Variants in FCHSD2 observed in about 807,000 individuals in gnomAD.
FCHSD2 encodes the protein FCH and double SH3 domains 2, also known as F-BAR and double SH3 domains protein 2.
A neutral mutation model predicts 108.1 loss-of-function variants in FCHSD2; 38 were observed. The observed-to-expected ratio is 0.35, with a 90% CI of 0.27 to 0.46. The LOEUF (loss-of-function observed/expected upper bound fraction) is 0.46, where lower values mean the gene tolerates loss of function less well. Ranked by LOEUF, FCHSD2 falls within the 20% of genes least tolerant of loss-of-function variation. The pLI is 1.00. For missense variants in FCHSD2, 751 were observed against 897.8 expected (o/e 0.84, Z 2.09); for synonymous variants, 279 against 314.7 (o/e 0.89, Z 1.20).
intron 11 of FCHSD2, among the ~76,000 whole-genome samples, chr11:72,889,016 G>A (rs1256944934): frequency 3.3e-5 from 5 of 151,920 alleles, no homozygotes; most frequent in Admixed American, 6.6e-5. Context: ...GTGCAGTGGC[G>A]TGATCTCAGC....
intron 13 of FCHSD2, among the ~76,000 whole-genome samples, chr11:72,862,601 T>C (rs1299887953): frequency 6.6e-6 from 1 of 152,214 alleles, no homozygotes; most frequent in African/African-American, 2.4e-5. Context: ...AATGGAGAAG[T>C]ATATTATGTT....
chr11:73,085,237 T>C (rs182661874), intron 2 of FCHSD2, among the ~76,000 whole-genome samples: 3 of 152,290 alleles, frequency 2.0e-5, no homozygotes, highest in Admixed American at 2.0e-4. Flanking sequence ...TTTTAAATGT[T>C]TATTCAAAAA....
At chr11:72,842,457 T>C (rs1030492440) in intron 17 of FCHSD2, among the ~76,000 whole-genome samples, 164 bp downstream of exon 17, 1 of 152,270 alleles carries the variant, frequency 6.6e-6, no homozygotes, top group African/African-American at 2.4e-5. Flanking sequence ...AGGGACTGAC[T>C]GACAAGTCTC....
chr11:72,989,236 G>T, intron 5 of FCHSD2, 139 bp from the exon 6 acceptor site: 1 of 570,108 alleles, frequency 1.8e-6, no homozygotes, highest in Admixed American at 3.4e-5. Flanking sequence ...CCTTCAAATT[G>T]CAGATTAAAA....
At chr11:73,107,051 A>ATT (rs952506104) in intron 2 of FCHSD2, among the ~76,000 whole-genome samples, 1 of 151,786 alleles carries the variant, frequency 6.6e-6, no homozygotes, top group African/African-American at 2.4e-5. Context: ...ATATATATAT[A>ATT]TTTTTAAATG....
chr11:72,962,223 C>T (rs1264324749), intron 8 of FCHSD2, among the ~76,000 whole-genome samples: 1 of 152,154 alleles, frequency 6.6e-6, no homozygotes, highest in Non-Finnish European at 1.5e-5. Context: ...CATTGTCTGC[C>T]CTTTTAACTC....
intron 3 of FCHSD2, chr11:73,077,494 T>C: frequency 3.1e-6 from 1 of 326,268 alleles, no homozygotes; most frequent in Non-Finnish European, 5.9e-6. Context: ...TGGCAGTTAT[T>C]TAAAAAGTTA....
intron 8 of FCHSD2, among the ~76,000 whole-genome samples, chr11:72,938,181 T>A (rs1285863468): frequency 1.4e-5 from 2 of 141,046 alleles, no homozygotes; most frequent in Non-Finnish European, 3.2e-5. Context: ...AAGGAGTTTT[T>A]TTTTTTTTTT....
chr11:73,087,019 A>G (rs1465347418), intron 2 of FCHSD2, among the ~76,000 whole-genome samples: 1 of 152,222 alleles, frequency 6.6e-6, no homozygotes, highest in Non-Finnish European at 1.5e-5. Flanking sequence ...AAACAGCCTC[A>G]GGCAGTTCCT....
At chr11:72,941,231 T>C (rs1370344886) in intron 8 of FCHSD2, 7 of 247,750 alleles carry the variant, frequency 2.8e-5, no homozygotes, top group East Asian at 2.7e-4. Flanking sequence ...ATGAGTCTTG[T>C]TCACTATGTG....
chr11:73,043,086 A>G (rs1858679418), intron 3 of FCHSD2, among the ~76,000 whole-genome samples: 4 of 152,180 alleles, frequency 2.6e-5, no homozygotes, highest in Non-Finnish European at 5.9e-5. Flanking sequence ...CTTCTGCCAC[A>G]ACGCTGAATA....
At chr11:72,895,512 G>C (rs1855399823) in intron 10 of FCHSD2, among the ~76,000 whole-genome samples, 1 of 152,120 alleles carries the variant, frequency 6.6e-6, no homozygotes, top group Admixed American at 6.6e-5. Flanking sequence ...CTTGCTTTAA[G>C]AGCTATAATC....
intron 3 of FCHSD2, among the ~76,000 whole-genome samples, chr11:73,050,085 A>G (rs1304345564): frequency 6.6e-6 from 1 of 152,190 alleles, no homozygotes; most frequent in Non-Finnish European, 1.5e-5. Context: ...CAGAGAGTAA[A>G]TATTTTTGGC....
At chr11:72,876,406 A>G (rs1299804431) in intron 12 of FCHSD2, among the ~76,000 whole-genome samples, 1 of 152,214 alleles carries the variant, frequency 6.6e-6, no homozygotes, top group African/African-American at 2.4e-5. Context: ...TTTTGCCATA[A>G]AGTTTGGGAT....
At chr11:73,003,517 T>C (rs1344254186) in intron 4 of FCHSD2, among the ~76,000 whole-genome samples, 5 of 148,982 alleles carry the variant, frequency 3.4e-5, no homozygotes, top group African/African-American at 1.3e-4. Flanking sequence ...GACGGAGTCT[T>C]GCTCTGTCGC....
At chr11:73,091,085 T>C (rs2135522321) in intron 2 of FCHSD2, among the ~76,000 whole-genome samples, 1 of 152,364 alleles carries the variant, frequency 6.6e-6, no homozygotes, top group South Asian at 2.1e-4. Context: ...TTGTAGTATG[T>C]ATCAATACTT....
chr11:72,840,302 A>T (rs1318010154), intron 19 of FCHSD2, among the ~76,000 whole-genome samples: 2 of 152,226 alleles, frequency 1.3e-5, no homozygotes, highest in Non-Finnish European at 2.9e-5. Flanking sequence ...AGCCAGTGGT[A>T]AAGGAATGGT....
intron 3 of FCHSD2, among the ~76,000 whole-genome samples, chr11:73,058,159 G>A (rs1425106681): frequency 3.3e-5 from 5 of 152,158 alleles, no homozygotes; most frequent in Admixed American, 1.3e-4. Context: ...GATTACAGGC[G>A]TGAGCCACTG....
chr11:72,992,909 G>A (rs1290779123), intron 5 of FCHSD2, among the ~76,000 whole-genome samples: 1 of 152,170 alleles, frequency 6.6e-6, no homozygotes, highest in Non-Finnish European at 1.5e-5. Context: ...TTGACAAATA[G>A]GATCTAATTA....
Sources: allele counts gnomAD v4.1 joint callset (sites outside exome capture counted in the v4.1 genomes callset), GRCh38; gene constraint gnomAD v4.1.1; transcripts MANE v1.5; gene names NCBI Gene and HGNC (gene_info 2026-07-23, HGNC 2026-07-21).